PCCA: variants seen among roughly 807,000 people sequenced by gnomAD.
PCCA encodes propionyl-CoA carboxylase alpha chain, mitochondrial.
PCCA carries 74 observed loss-of-function variants against 101.3 expected under a neutral mutation model. The observed-to-expected ratio is 0.73, with a 90% CI of 0.61 to 0.89. PCCA has a LOEUF of 0.89. Ranked by LOEUF, PCCA falls within the 40% of genes least tolerant of loss-of-function variation. The pLI is 0.00. For missense variants in PCCA, 891 were observed against 907.0 expected (o/e 0.98, Z 0.23); for synonymous variants, 294 against 313.6 (o/e 0.94, Z 0.66).
At chr13:100,226,639 T>C (rs2060159980) in intron 7 of PCCA, among the ~76,000 whole-genome samples, 1 of 152,196 alleles carries the variant, frequency 6.6e-6, no homozygotes, top group Non-Finnish European at 1.5e-5. Context: ...AGAGAGGAAG[T>C]ACATGTTTTT....
At chr13:100,461,919 C>T (rs1288407414) in intron 21 of PCCA, among the ~76,000 whole-genome samples, 1 of 152,180 alleles carries the variant, frequency 6.6e-6, no homozygotes, top group Non-Finnish European at 1.5e-5. Flanking sequence ...TCTGTTTACC[C>T]TCAACTCCAC....
intron 7 of PCCA, among the ~76,000 whole-genome samples, chr13:100,230,263 G>T (rs916882356): frequency 2.0e-5 from 3 of 152,212 alleles, no homozygotes; most frequent in African/African-American, 2.4e-5. Context: ...AAAGTGGCAG[G>T]CTGGGCGCGG....
At chr13:100,146,348 A>G (rs1287269307) in intron 4 of PCCA, among the ~76,000 whole-genome samples, 1 of 151,914 alleles carries the variant, frequency 6.6e-6, no homozygotes, top group Non-Finnish European at 1.5e-5. Flanking sequence ...AGGCCGAGGC[A>G]GACGGATCAC....
intron 21 of PCCA, among the ~76,000 whole-genome samples, chr13:100,455,556 A>G (rs1179005188): frequency 6.6e-6 from 1 of 152,226 alleles, no homozygotes; most frequent in Non-Finnish European, 1.5e-5. Context: ...ATGCTCAGCA[A>G]TGCAGGATGC....
chr13:100,120,146 A>G (rs1431445998), intron 4 of PCCA, among the ~76,000 whole-genome samples: 1 of 149,584 alleles, frequency 6.7e-6, no homozygotes, highest in Admixed American at 6.7e-5. Context: ...TACAGGTTTG[A>G]GCCACCATGC....
intron 21 of PCCA, among the ~76,000 whole-genome samples, chr13:100,476,451 G>A (rs1451041496): frequency 2.0e-5 from 3 of 152,114 alleles, no homozygotes; most frequent in Non-Finnish European, 2.9e-5. Context: ...TATTTAATTA[G>A]CACTAATATT....
intron 20 of PCCA, among the ~76,000 whole-genome samples, chr13:100,432,789 A>G (rs918997409): frequency 6.6e-6 from 1 of 152,108 alleles, no homozygotes; most frequent in East Asian, 1.9e-4. Context: ...AAGGGGGTTG[A>G]GTTTGAGAGA....
At chr13:100,089,349 C>A in intron 1 of PCCA, 124 bp downstream of exon 1, 3 of 1,231,854 alleles carry the variant, frequency 2.4e-6, no homozygotes, top group Non-Finnish European at 3.1e-6. Context: ...GGTTCCGCAT[C>A]AGCTACACCG....
intron 8 of PCCA, among the ~76,000 whole-genome samples, chr13:100,238,068 A>G (rs1278980902): frequency 6.6e-6 from 1 of 151,364 alleles, no homozygotes; most frequent in East Asian, 1.9e-4. Context: ...CCTCCTGAGT[A>G]GCTGGGATTG....
rs117461113 is a variant in PCCA, at chr13:100,402,696, T to C, written c.1747-22937T>C. Among the ~76,000 whole-genome samples, 389 of 152,248 alleles carry C rather than the reference T, an allele frequency of 2.6e-3. 3 individuals are homozygous for C. Among genetic ancestry groups the C allele is most frequent in the Non-Finnish European group, 3.9e-3 (263 of 68,022 alleles). Reference sequence around the variant, plus strand: ...CAGAGCAAGGAAAGACCCAGCCCTATTTAGCAGTGGGCAAGGGGTGGTATG... The same window carrying C: ...CAGAGCAAGGAAAGACCCAGCCCTACTTAGCAGTGGGCAAGGGGTGGTATG... On this transcript the variant is annotated intron_variant, in intron 19 of 23. Transcript: ENST00000376285.
intron 19 of PCCA, among the ~76,000 whole-genome samples, chr13:100,400,100 A>C (rs1359773992): frequency 2.6e-5 from 4 of 152,348 alleles, no homozygotes; most frequent in African/African-American, 9.6e-5. Flanking sequence ...GTCTTGGAGC[A>C]GGTGGGTGAA....
At chr13:100,423,256 G>T (rs2078943197) in intron 19 of PCCA, among the ~76,000 whole-genome samples, 1 of 152,142 alleles carries the variant, frequency 6.6e-6, no homozygotes, top group South Asian at 2.1e-4. Flanking sequence ...TGACTGAAGG[G>T]TTGCATGTAC....
Position 100,089,114 on chromosome 13 carries a change from GACA to G in PCCA, c.-2_1del, listed in dbSNP as rs2152189063. The G allele has an allele frequency of 2.7e-6, 4 of 1,491,582 alleles. No individual in the cohort carries two copies. The highest frequency in any genetic ancestry group is 3.6e-6 in the Non-Finnish European group (4 of 1,116,682). 92.4% of individuals were successfully genotyped at this position (1,491,582 alleles called of 1,614,324 possible). A position where few individuals can be genotyped will look rare whatever the true frequency, so the allele number is the denominator to read the frequency against. On this transcript the variant is annotated 5_prime_UTR_variant, in exon 1 of 24. Transcript: ENST00000376285. ...GGTCAGCAGAGGGGCGGTCTGCGGG[GACA>G]ACAATGGCGGGGTTCTGGGTCGGGA...
intron 10 of PCCA, among the ~76,000 whole-genome samples, chr13:100,263,803 A>T (rs2062691600): frequency 6.9e-6 from 1 of 143,942 alleles, no homozygotes; most frequent in African/African-American, 2.5e-5. Context: ...TATATCATAT[A>T]TACAGTATCT....
chr13:100,410,912 T>C (rs2078012299), intron 19 of PCCA, among the ~76,000 whole-genome samples: 1 of 152,210 alleles, frequency 6.6e-6, no homozygotes, highest in Admixed American at 6.5e-5. Flanking sequence ...AGAAGATTTA[T>C]GTGTATGTCA....
chr13:100,121,969 T>C (rs2049446434), intron 4 of PCCA, among the ~76,000 whole-genome samples: 1 of 152,248 alleles, frequency 6.6e-6, no homozygotes, highest in Non-Finnish European at 1.5e-5. Context: ...CACCCTTAAA[T>C]TTGATTTAGG....
intron 21 of PCCA, among the ~76,000 whole-genome samples, chr13:100,507,681 G>C (rs529540560): frequency 6.6e-6 from 1 of 152,254 alleles, no homozygotes; most frequent in South Asian, 2.1e-4. Context: ...TCTTGAGACA[G>C]AGTCTCGCAC....
intron 21 of PCCA, among the ~76,000 whole-genome samples, chr13:100,496,766 G>A (rs1325790619): frequency 6.6e-6 from 1 of 152,152 alleles, no homozygotes; most frequent in Non-Finnish European, 1.5e-5. Flanking sequence ...ACCCAACCTG[G>A]TAGCTCAGGG....
chr13:100,496,974 T>A (rs1280079911), intron 21 of PCCA, among the ~76,000 whole-genome samples: 1 of 152,208 alleles, frequency 6.6e-6, no homozygotes, highest in Non-Finnish European at 1.5e-5. Flanking sequence ...TCGGAAGATG[T>A]CACGGAATCC....
Sources: gnomAD v4.1 joint callset for allele counts (sites outside exome capture counted in the v4.1 genomes callset) on GRCh38, gnomAD v4.1.1 for gene constraint, MANE v1.5 for transcripts, NCBI Gene and HGNC (gene_info 2026-07-23, HGNC 2026-07-21) for gene names.